The following CLDN14 variants were observed in gnomAD, a reference collection of about 807,000 sequenced individuals.
CLDN14 encodes claudin 14.
CLDN14 carries 2 observed loss-of-function variants against 2.1 expected under a neutral mutation model. That is an observed-to-expected ratio of 0.96 (90% confidence interval 0.39 to 3.01). CLDN14 has a LOEUF of 3.01. Ranked by LOEUF, CLDN14 falls within the 30% of genes most tolerant of loss-of-function variation. The pLI, the probability that CLDN14 is intolerant of heterozygous loss-of-function variation, is 0.09. For synonymous variants in CLDN14, 136 were observed against 154.4 expected, an observed-to-expected ratio of 0.88 and a Z score of 0.88; for missense variants, 298 against 328.0, an observed-to-expected ratio of 0.91 and a Z score of 0.71.
chr21:36,490,979 CA>C (rs2086958678), intron 2 of CLDN14, among the ~76,000 whole-genome samples: 1 of 150,238 alleles, frequency 6.7e-6, no homozygotes, highest in South Asian at 2.2e-4. Context: ...CACACACACA[CA>C]CACACACACC....
At position 36,506,200 on chromosome 21, in the gene CLDN14, T is replaced by C. The variant is rs565441344; in HGVS notation, c.-82+4163A>G. Among the ~76,000 whole-genome samples the C allele has an allele frequency of 3.9e-5, 6 of 152,350 alleles. No homozygotes were observed. The South Asian group carries it at 1.2e-3, about 32-fold the overall frequency. ...TAGTATGCACCATTAAAAGATTAAA[T>C]GCTTCTGCAGTTACTGATATGCAAA... On this transcript the variant is annotated intron_variant, in intron 2 of 2. Coordinates refer to the CLDN14 transcript ENST00000342108.
chr21:36,491,554 TGCTACAGGATCTC>T (rs914515751), intron 2 of CLDN14, among the ~76,000 whole-genome samples: 1 of 152,230 alleles, frequency 6.6e-6, no homozygotes, highest in African/African-American at 2.4e-5. Flanking sequence ...AGACTGTATT[TGCTACAGGATCTC>T]GCTGTGTTCA....
chr21:36,536,620 G>A (rs116239395), intron 1 of CLDN14, among the ~76,000 whole-genome samples: 2,745 of 152,280 alleles, frequency 0.018, 91 homozygotes, highest in African/African-American at 0.062. Context: ...ACAGTAGAAA[G>A]CTGAGAGTGA....
rs532104354 is a variant in CLDN14 at position 36,534,125 on chromosome 21, G to A, written c.-219-23625C>T. Among the ~76,000 whole-genome samples the A allele has an allele frequency of 3.2e-3, 479 of 151,998 alleles. 3 individuals carry two copies. Among genetic ancestry groups the A allele is most frequent in the African/African-American group, 0.011 (446 of 41,456 alleles). On this transcript the variant is annotated intron_variant, in intron 1 of 2. Transcript: ENST00000342108. Reference sequence around the variant, plus strand: ...AATTTTTTTTTTTCTTTTTGAGACAGAGTTTCACTCTTGTTGCCCAGGCTG... The same window carrying A: ...AATTTTTTTTTTTCTTTTTGAGACAAAGTTTCACTCTTGTTGCCCAGGCTG...
At chr21:36,560,301 T>G (rs1173926810) in intron 1 of CLDN14, among the ~76,000 whole-genome samples, 2 of 152,094 alleles carry the variant, frequency 1.3e-5, no homozygotes, top group African/African-American at 4.8e-5. Context: ...ATATCTATAT[T>G]TTTAGATGAA....
intron 1 of CLDN14, among the ~76,000 whole-genome samples, chr21:36,539,589 AGT>A (rs1176913466): frequency 9.6e-6 from 1 of 103,636 alleles, no homozygotes; most frequent in Non-Finnish European, 2.0e-5. Flanking sequence ...GTGTGGAGTG[AGT>A]GTGTGTGTGG....
chr21:36,493,648 G>A (rs139496621), intron 2 of CLDN14, among the ~76,000 whole-genome samples: 84 of 152,216 alleles, frequency 5.5e-4, no homozygotes, highest in Middle Eastern at 3.4e-3. Flanking sequence ...CCTAGCGGCC[G>A]CACACTTGTC....
intron 1 of CLDN14, among the ~76,000 whole-genome samples, chr21:36,559,172 GTTTTATTTTATTTTATTTTATTTTA>G (rs143202991): frequency 1.3e-5 from 2 of 148,750 alleles, no homozygotes; most frequent in African/African-American, 2.5e-5. Flanking sequence ...TTTGTTGAGA[GTTTTATTTTATTTTATTTTATTTTA>G]TTTTATTTTA....
chr21:36,561,495 G>T (rs955032405), intron 1 of CLDN14, among the ~76,000 whole-genome samples: 3 of 151,998 alleles, frequency 2.0e-5, no homozygotes, highest in Admixed American at 6.6e-5. Flanking sequence ...GCCATAGTGG[G>T]CCACTTGGCT....
upstream of CLDN14, among the ~76,000 whole-genome samples, chr21:36,481,986 C>T (rs958782343): frequency 1.3e-5 from 2 of 152,132 alleles, no homozygotes; most frequent in Non-Finnish European, 2.9e-5. Context: ...AGGCTGGTCC[C>T]GAGTCTCCAG....
At chr21:36,523,817 AAG>A (rs1491146218) in intron 1 of CLDN14, among the ~76,000 whole-genome samples, 19 of 143,556 alleles carry the variant, frequency 1.3e-4, no homozygotes, top group African/African-American at 5.0e-4. Flanking sequence ...GAAAGAAAGA[AAG>A]AAAGAAAGAA....
chr21:36,476,927 C>G (rs1341498261), intron 1 of CLDN14, among the ~76,000 whole-genome samples: 1 of 152,198 alleles, frequency 6.6e-6, no homozygotes. Context: ...CTTGTGTAAG[C>G]AAAGGCCTTG....
Position 36,461,724 on chromosome 21 carries a change from GC to G in CLDN14, c.-30del, listed in dbSNP as rs1568839836. The G allele has an allele frequency of 3.4e-5, 52 of 1,545,052 alleles. No homozygotes were observed. The East Asian group carries it at 1.2e-3, about 37-fold the overall frequency. On this transcript the variant is annotated 5_prime_UTR_variant, in exon 2 of 2. It removes the in-frame stop codon of an upstream open reading frame in the 5' UTR. Coordinates refer to ENST00000399135, the MANE Select transcript of CLDN14 (RefSeq NM_001146079.2). ...GCGGCTGCCTGCCTAGGCCAGCCGG[GC>G]AGCTCCCTGGGCCCTCGGGGTCACG...
At chr21:36,465,058 A>G (rs1264033223) in intron 1 of CLDN14, among the ~76,000 whole-genome samples, 1 of 152,152 alleles carries the variant, frequency 6.6e-6, no homozygotes, top group Admixed American at 6.5e-5. Context: ...TGCCCAGGAC[A>G]GGGACCTTCA....
chr21:36,560,903 T>G (rs919307033), intron 1 of CLDN14, among the ~76,000 whole-genome samples: 1 of 152,236 alleles, frequency 6.6e-6, no homozygotes, highest in East Asian at 1.9e-4. Context: ...GAAATTCTTT[T>G]TTGTTGTTGT....
chr21:36,471,291 G>T (rs1162281751), intron 1 of CLDN14, among the ~76,000 whole-genome samples: 1 of 152,222 alleles, frequency 6.6e-6, no homozygotes, highest in Non-Finnish European at 1.5e-5. Flanking sequence ...TAAGGAAAAG[G>T]TAGAGGACAT....
intron 1 of CLDN14, among the ~76,000 whole-genome samples, chr21:36,523,369 A>G (rs1211329080): frequency 6.6e-6 from 1 of 152,178 alleles, no homozygotes; most frequent in African/African-American, 2.4e-5. Context: ...GTGTTCCCCC[A>G]AACTTTTGCA....
intron 1 of CLDN14, among the ~76,000 whole-genome samples, chr21:36,518,953 C>T (rs1415878783): frequency 6.6e-6 from 1 of 152,194 alleles, no homozygotes. Flanking sequence ...TCCTTCTGAA[C>T]TATTTCTCTC....
chr21:36,561,583 T>C (rs1178244757), intron 1 of CLDN14, among the ~76,000 whole-genome samples: 2 of 152,196 alleles, frequency 1.3e-5, no homozygotes, highest in African/African-American at 4.8e-5. Flanking sequence ...ACGCAGCTCT[T>C]CCACTCTCTT....
Sources: allele counts gnomAD v4.1 joint callset (sites outside exome capture counted in the v4.1 genomes callset), GRCh38; gene constraint gnomAD v4.1.1; transcripts MANE v1.5; gene names NCBI Gene and HGNC (gene_info 2026-07-23, HGNC 2026-07-21).